Variants in TAOK3 observed in about 807,000 individuals in gnomAD.
TAOK3 encodes TAO kinase 3.
TAOK3 carries 40 observed loss-of-function variants against 120.4 expected under a neutral mutation model. That is an observed-to-expected ratio of 0.33 (90% CI 0.26 to 0.43). The LOEUF (loss-of-function observed/expected upper bound fraction) is 0.43, where lower values mean the gene tolerates loss of function less well. Among genes scored for constraint, TAOK3 ranks in the 20% least tolerant of loss-of-function variants. TAOK3 has a pLI of 1.00. For missense variants in TAOK3, 821 were observed against 1,112.1 expected, an observed-to-expected ratio of 0.74 and a Z score of 3.72; for synonymous variants, 355 against 387.5, an observed-to-expected ratio of 0.92 and a Z score of 0.99.
intron 1 of TAOK3, among the ~76,000 whole-genome samples, chr12:118,323,201 A>T (rs1433109050): frequency 6.6e-6 from 1 of 152,204 alleles, no homozygotes; most frequent in African/African-American, 2.4e-5. Flanking sequence ...AACAAATTGT[A>T]AACCAACAAT....
intron 1 of TAOK3, among the ~76,000 whole-genome samples, chr12:118,309,627 T>C (rs2043190542): frequency 6.6e-6 from 1 of 151,930 alleles, no homozygotes; most frequent in South Asian, 2.1e-4. Context: ...GAGATTCTCC[T>C]GCCTCACCCT....
chr12:118,196,098 A>AAATAAAG (rs1484488726), intron 13 of TAOK3, among the ~76,000 whole-genome samples: 1 of 122,112 alleles, frequency 8.2e-6, no homozygotes, highest in South Asian at 2.9e-4. Flanking sequence ...AATAAATAAA[A>AAATAAAG]GGAAGTTTGG....
intron 3 of TAOK3, chr12:118,246,150 G>A (rs926407401): frequency 4.2e-6 from 6 of 1,434,810 alleles, no homozygotes; most frequent in Admixed American, 2.1e-5. Flanking sequence ...GGGGAACCGC[G>A]GTGGCTTCCG....
At chr12:118,316,289 G>C (rs1359040647) in intron 1 of TAOK3, among the ~76,000 whole-genome samples, 1 of 152,168 alleles carries the variant, frequency 6.6e-6, no homozygotes, top group Non-Finnish European at 1.5e-5. Context: ...CTACTCATAA[G>C]AGTCTGGTTA....
intron 2 of TAOK3, among the ~76,000 whole-genome samples, chr12:118,264,280 A>C (rs2041354210): frequency 6.6e-6 from 1 of 152,244 alleles, no homozygotes; most frequent in African/African-American, 2.4e-5. Flanking sequence ...CCATGTATAC[A>C]AATGTTCACA....
intron 1 of TAOK3, among the ~76,000 whole-genome samples, chr12:118,343,079 T>G (rs1249336419): frequency 6.6e-6 from 1 of 151,254 alleles, no homozygotes; most frequent in Non-Finnish European, 1.5e-5. Context: ...TATTGGCAAA[T>G]TCTAGATAGC....
chr12:118,329,296 T>G (rs1405932275), intron 1 of TAOK3, among the ~76,000 whole-genome samples: 1 of 152,178 alleles, frequency 6.6e-6, no homozygotes, highest in African/African-American at 2.4e-5. Flanking sequence ...GAATAGTGAC[T>G]TGGTTGCTAG....
At chr12:118,223,006 C>A (rs891455838) in intron 9 of TAOK3, among the ~76,000 whole-genome samples, 2 of 151,050 alleles carry the variant, frequency 1.3e-5, no homozygotes, top group East Asian at 3.9e-4. Context: ...TGAAAGAGTA[C>A]GCCTATCTTT....
intron 1 of TAOK3, among the ~76,000 whole-genome samples, chr12:118,319,228 T>C (rs1349178643): frequency 6.6e-6 from 1 of 152,260 alleles, no homozygotes. Flanking sequence ...ATTTGTCAAT[T>C]ATAAAATAAA....
intron 9 of TAOK3, among the ~76,000 whole-genome samples, chr12:118,225,793 G>A (rs2039472448): frequency 6.6e-6 from 1 of 152,164 alleles, no homozygotes; most frequent in Admixed American, 6.5e-5. Flanking sequence ...ACAATGTGAT[G>A]TTTTGATGTT....
At chr12:118,189,413 AT>A (rs1490645861) in intron 14 of TAOK3, among the ~76,000 whole-genome samples, 1 of 152,140 alleles carries the variant, frequency 6.6e-6, no homozygotes, top group African/African-American at 2.4e-5. Context: ...CCTTAAAAAA[AT>A]TTAGCATTAT....
At chr12:118,214,311 G>A in intron 9 of TAOK3, 1 of 507,680 alleles carries the variant, frequency 2.0e-6, no homozygotes. Flanking sequence ...ATGTACATTG[G>A]CAAAGCTCCT....
intron 2 of TAOK3, among the ~76,000 whole-genome samples, chr12:118,260,367 G>A (rs2041173969): frequency 6.6e-6 from 1 of 152,080 alleles, no homozygotes; most frequent in South Asian, 2.1e-4. Flanking sequence ...CCAGAACAAA[G>A]TCCAAGAATA....
At chr12:118,200,771 A>T (rs1394717998) in intron 12 of TAOK3, 2 of 151,840 alleles carry the variant, frequency 1.3e-5, no homozygotes, top group African/African-American at 4.9e-5. Flanking sequence ...GTCACCTTAA[A>T]CTCCTCCTTA....
intron 14 of TAOK3, among the ~76,000 whole-genome samples, chr12:118,182,599 G>GTATATATATA (rs1212615187): frequency 2.3e-4 from 22 of 93,894 alleles, no homozygotes; most frequent in African/African-American, 1.1e-3. Flanking sequence ...GTGTGTGTGT[G>GTATATATATA]TATATATATA....
At chr12:118,280,091 C>T (rs1177552362) in intron 1 of TAOK3, among the ~76,000 whole-genome samples, 2 of 136,360 alleles carry the variant, frequency 1.5e-5, no homozygotes, top group Non-Finnish European at 3.1e-5. Flanking sequence ...TAGATGGAGT[C>T]TCGCTCTGTC....
At chr12:118,152,451 A>G in intron 19 of TAOK3, 42 bp from the exon 20 acceptor site, 1 of 1,559,668 alleles carries the variant, frequency 6.4e-7, no homozygotes. Context: ...ACCCTTGCCT[A>G]CAGCCCTTGG....
intron 3 of TAOK3, among the ~76,000 whole-genome samples, chr12:118,254,688 T>C (rs1593312146): frequency 6.6e-6 from 1 of 152,104 alleles, no homozygotes; most frequent in South Asian, 2.1e-4. Context: ...ATAGCACATA[T>C]AAGGCTCTGA....
At position 118,169,326 on chromosome 12, in the gene TAOK3, CT is replaced by C. The variant is rs913236418; in HGVS notation, c.1899+3130del. Among the ~76,000 whole-genome samples, 636 of 80,598 alleles carry C rather than the reference CT, an allele frequency of 7.9e-3. 7 individuals carry two copies. Among genetic ancestry groups the C allele is most frequent in the Middle Eastern group, 0.032 (3 of 94 alleles). The allele number at this position is 80,598 out of a possible 152,430, so 52.9% of individuals were successfully genotyped here. A position where few individuals can be genotyped will look rare whatever the true frequency, so the allele number is the denominator to read the frequency against. On this transcript the variant is annotated intron_variant, in intron 17 of 20. Coordinates refer to ENST00000392533, the MANE Select transcript of TAOK3 (RefSeq NM_016281.4). ...ACCACGCCCACCCCCACCCCCCCCCCTTTTTTTTTAAAGACAGTCTCACTCT... is the reference window on the plus strand; with the variant it reads ...ACCACGCCCACCCCCACCCCCCCCCCTTTTTTTTAAAGACAGTCTCACTCT...
Sources: gnomAD v4.1 joint callset for allele counts (sites outside exome capture counted in the v4.1 genomes callset) on GRCh38, gnomAD v4.1.1 for gene constraint, MANE v1.5 for transcripts, NCBI Gene and HGNC (gene_info 2026-07-23, HGNC 2026-07-21) for gene names.